GLB1L2: variants seen among roughly 807,000 people sequenced by gnomAD.
GLB1L2 encodes beta-galactosidase-1-like protein 2.
Under a neutral mutation model 84.1 loss-of-function variants are expected in GLB1L2, and 68 were observed. That is an observed-to-expected ratio of 0.81 (90% CI 0.67 to 0.99). The LOEUF is 0.99. Ranked by LOEUF, GLB1L2 falls within the 50% of genes least tolerant of loss-of-function variation. GLB1L2 has a pLI of 0.00. For synonymous variants in GLB1L2, 290 were observed against 318.0 expected, an observed-to-expected ratio of 0.91 and a Z score of 0.94; for missense variants, 762 against 805.6, an observed-to-expected ratio of 0.95 and a Z score of 0.66.
chr11:134,332,070 G>C lies in GLB1L2; in HGVS notation c.9G>C (p.Thr3=), dbSNP rs1203051924. The change falls in exon 1 of 19, where the codon ACG becomes ACC. Residue 3 remains threonine, a synonymous_variant. Transcript: ENST00000535456. ...CGCTTAGAGAACACGCGATGACCAC[G>C]TGGAGCCTCCGGCGGAGGCCGGCCC... is the stretch of plus-strand genomic sequence containing the variant. MT[T]WSLRRRPART... 6.3e-7 allele frequency: 1 copy of C among 1,580,136 alleles called. No homozygotes were observed. The highest frequency in any genetic ancestry group is 2.3e-5 in the East Asian group (1 of 42,660).
At chr11:134,366,964 C>T (rs921609133) in intron 8 of GLB1L2, 2 of 415,056 alleles carry the variant, frequency 4.8e-6, no homozygotes, top group African/African-American at 4.1e-5. Flanking sequence ...TGATCCTGGA[C>T]CAGTGTCTTC....
chr11:134,334,746 T>G lies in GLB1L2; in HGVS notation c.86+2599T>G, dbSNP rs191979806. On this transcript the variant is annotated intron_variant, in intron 1 of 18. Transcript: ENST00000535456. The surrounding 1 kb of genome is among the most constrained non-coding windows in gnomAD (Gnocchi z 4.1). ...TGCATTTTCTAGTGTTTTATAGAATTGTAATCTTAAAGCATGTTTTCCTTT... is the reference window on the plus strand; with the variant it reads ...TGCATTTTCTAGTGTTTTATAGAATGGTAATCTTAAAGCATGTTTTCCTTT... Among the ~76,000 whole-genome samples the G allele has an allele frequency of 4.6e-5, 7 of 152,272 alleles. No individual in the cohort carries two copies. The East Asian group carries it at 1.3e-3, about 29-fold the overall frequency.
At chr11:134,346,965 T>C (rs1432075139) in intron 4 of GLB1L2, 1 of 236,282 alleles carries the variant, frequency 4.2e-6, no homozygotes, top group African/African-American at 2.2e-5. Context: ...CCTCAGTGAT[T>C]CCTAACCCTT....
chr11:134,336,538 A>C (rs1943391008), intron 1 of GLB1L2, among the ~76,000 whole-genome samples: 1 of 152,218 alleles, frequency 6.6e-6, no homozygotes, highest in Non-Finnish European at 1.5e-5. Flanking sequence ...GCTGCTGCAG[A>C]TATCTGTTGG....
At position 134,375,191 on chromosome 11, in the gene GLB1L2, C is replaced by T. The variant is rs983699487; in HGVS notation, c.*133C>T. 5 of 666,056 alleles carry T rather than the reference C, an allele frequency of 7.5e-6. No individual in the cohort carries two copies. Among genetic ancestry groups the T allele is most frequent in the African/African-American group, 7.3e-5 (4 of 55,004 alleles). 41.3% of individuals were successfully genotyped at this position (666,056 alleles called of 1,614,324 possible). On this transcript the variant is annotated 3_prime_UTR_variant, in exon 19 of 19. Coordinates refer to ENST00000535456, the MANE Select transcript of GLB1L2 (RefSeq NM_001370461.1). Reference sequence around the variant, plus strand: ...TAGCAACCTCAGGGACTGGGGGCTACAGTCTGCCCCTGTCTCAGCTCAAAA... The same window carrying T: ...TAGCAACCTCAGGGACTGGGGGCTATAGTCTGCCCCTGTCTCAGCTCAAAA...
intron 5 of GLB1L2, among the ~76,000 whole-genome samples, chr11:134,353,396 C>T (rs1239301741): frequency 6.6e-6 from 1 of 152,048 alleles, no homozygotes; most frequent in South Asian, 2.1e-4. Context: ...GGTGACAGAG[C>T]AAGACTCTGT....
At chr11:134,373,956 C>T in intron 16 of GLB1L2, 148 bp downstream of exon 16, 1 of 746,476 alleles carries the variant, frequency 1.3e-6, no homozygotes, top group Non-Finnish European at 2.3e-6. Flanking sequence ...TGAGGGGTGG[C>T]ACCCGCACTA....
intron 11 of GLB1L2, 24 bp downstream of exon 11, chr11:134,369,909 A>C (rs1357171453): frequency 6.2e-7 from 1 of 1,602,656 alleles, no homozygotes; most frequent in Non-Finnish European, 8.5e-7. Flanking sequence ...AGCAGACTCA[A>C]GTTCCAACTC....
intron 2 of GLB1L2, 29 bp from the exon 3 acceptor site, chr11:134,344,358 C>G (rs770482551): frequency 8.1e-5 from 130 of 1,613,216 alleles, no homozygotes; most frequent in East Asian, 1.3e-4. Context: ...ATGACATGCT[C>G]TAGCCTATAA....
At chr11:134,350,399 A>G (rs1453608133) in intron 5 of GLB1L2, among the ~76,000 whole-genome samples, 2 of 152,186 alleles carry the variant, frequency 1.3e-5, no homozygotes, top group Non-Finnish European at 2.9e-5. Flanking sequence ...TGCTGTGACA[A>G]GGCAGCACTG....
At chr11:134,352,502 T>A (rs186044220) in intron 5 of GLB1L2, among the ~76,000 whole-genome samples, 297 of 152,268 alleles carry the variant, frequency 2.0e-3, no homozygotes, top group Non-Finnish European at 3.6e-3. Flanking sequence ...TTTCCCTTTT[T>A]CTGGTTTCTT....
chr11:134,374,924 T>C (rs554404801), intron 18 of GLB1L2, 48 bp from the exon 19 acceptor site: 1 of 1,571,750 alleles, frequency 6.4e-7, no homozygotes, highest in South Asian at 1.1e-5. Context: ...CTCCCCTGGC[T>C]CCAGGACAGA....
At chr11:134,345,573 C>T (rs562007352) in intron 4 of GLB1L2, among the ~76,000 whole-genome samples, 2 of 152,300 alleles carry the variant, frequency 1.3e-5, no homozygotes, top group African/African-American at 2.4e-5. Flanking sequence ...CGGGTTCAAG[C>T]GATTCTCCTG....
intron 8 of GLB1L2, chr11:134,365,004 C>T (rs374647916): frequency 6.6e-6 from 1 of 152,548 alleles, no homozygotes; most frequent in African/African-American, 2.4e-5. Flanking sequence ...CCCCAGCTGT[C>T]CCCTGGCTCA....
chr11:134,346,939 TCTC>T, intron 4 of GLB1L2: 1 of 206,484 alleles, frequency 4.8e-6, no homozygotes, highest in Middle Eastern at 2.2e-3. Context: ...GAAGGTTGTG[TCTC>T]CTCCTTCCAC....
At chr11:134,359,347 G>A (rs1032550235) in intron 7 of GLB1L2, among the ~76,000 whole-genome samples, 4 of 152,232 alleles carry the variant, frequency 2.6e-5, no homozygotes, top group African/African-American at 9.6e-5. Flanking sequence ...TGGCTGGGTG[G>A]CTGTTCTCCT....
intron 15 of GLB1L2, 74 bp from the exon 16 acceptor site, chr11:134,373,647 C>T: frequency 3.2e-6 from 3 of 924,958 alleles, no homozygotes; most frequent in South Asian, 1.5e-5. Flanking sequence ...CCCAGGGCTT[C>T]CCCTCGTGGC....
chr11:134,341,993 C>A (rs1202624851), intron 1 of GLB1L2, among the ~76,000 whole-genome samples: 2 of 151,166 alleles, frequency 1.3e-5, no homozygotes, highest in African/African-American at 4.9e-5. Context: ...CTCAGCCACG[C>A]CCTTGTTTCA....
chr11:134,354,674 T>G (rs889566898), intron 5 of GLB1L2, among the ~76,000 whole-genome samples: 6 of 152,188 alleles, frequency 3.9e-5, no homozygotes, highest in Non-Finnish European at 8.8e-5. Flanking sequence ...CTTTCAGCAC[T>G]TTGACTATAT....
Sources: gnomAD v4.1 joint callset for allele counts (sites outside exome capture counted in the v4.1 genomes callset) on GRCh38, gnomAD v4.1.1 for gene constraint, Gnocchi (gnomAD v3.1) non-coding constraint, MANE v1.5 for transcripts, NCBI Gene and HGNC (gene_info 2026-07-23, HGNC 2026-07-21) for gene names.